Variants in NTM observed in about 807,000 individuals in gnomAD.
NTM encodes the protein IgLON family member 2.
In NTM, 13 loss-of-function variants were observed where a neutral mutation model predicts 42.1. The ratio of observed to expected loss-of-function variants is 0.31; its 90% CI spans 0.20 to 0.49. The LOEUF (loss-of-function observed/expected upper bound fraction) is 0.49. Among genes scored for constraint, NTM ranks in the 20% least tolerant of loss-of-function variants. The probability of loss-of-function intolerance (pLI) is 0.99; values close to 1 mark genes in which losing one functional copy is unlikely to be tolerated. For synonymous variants in NTM, 187 were observed against 179.2 expected, an observed-to-expected ratio of 1.04 and a Z score of -0.35; for missense variants, 373 against 452.8, an observed-to-expected ratio of 0.82 and a Z score of 1.60.
intron 1 of NTM, among the ~76,000 whole-genome samples, chr11:131,778,912 A>G (rs964360733): frequency 3.3e-5 from 5 of 152,264 alleles, no homozygotes; most frequent in Non-Finnish European, 5.9e-5. Context: ...AGGTTATGCC[A>G]CATGGCAAAT....
chr11:131,608,127 A>G (rs1159864709), intron 1 of NTM, among the ~76,000 whole-genome samples: 1 of 152,004 alleles, frequency 6.6e-6, no homozygotes, highest in Non-Finnish European at 1.5e-5. Flanking sequence ...ATTCCCACCT[A>G]TGAGTGAGAA....
At chr11:132,104,333 C>T (rs2061998439) in intron 2 of NTM, among the ~76,000 whole-genome samples, 1 of 151,842 alleles carries the variant, frequency 6.6e-6, no homozygotes, top group Admixed American at 6.6e-5. Flanking sequence ...TTCCTTCCTC[C>T]CCTTCCTCCC....
Position 131,626,138 on chromosome 11 carries a change from G to GC in NTM, c.82+255250_82+255251insC, listed in dbSNP as rs2063083341. On this transcript the variant is annotated intron_variant, in intron 1 of 8. Transcript: ENST00000683400. ...TTTTAAGAATCCAAGTAACTTTATA[G>GC]ATGTTGAAATTATTACATAAAGAGT... Among the ~76,000 whole-genome samples, 3 of 151,956 alleles carry GC rather than the reference G, an allele frequency of 2.0e-5. No individual in the cohort carries two copies. The South Asian group carries it at 6.3e-4, about 32-fold the overall frequency.
chr11:131,664,563 GTC>G (rs2068658312), intron 1 of NTM, among the ~76,000 whole-genome samples: 1 of 152,092 alleles, frequency 6.6e-6, no homozygotes, highest in Admixed American at 6.5e-5. Flanking sequence ...CTCTCCAGCT[GTC>G]TATCCCCAGT....
At chr11:131,930,706 T>A (rs2058497726) in intron 2 of NTM, among the ~76,000 whole-genome samples, 1 of 152,230 alleles carries the variant, frequency 6.6e-6, no homozygotes, top group Admixed American at 6.5e-5. Flanking sequence ...CTCCTTTCCT[T>A]TAGACTTTTA....
chr11:131,985,032 T>C (rs1477767281), intron 2 of NTM, among the ~76,000 whole-genome samples: 1 of 152,096 alleles, frequency 6.6e-6, no homozygotes, highest in African/African-American at 2.4e-5. Context: ...CCAGACTGAG[T>C]TGGTGTTCTC....
intron 1 of NTM, among the ~76,000 whole-genome samples, chr11:131,585,647 G>A (rs1261874370): frequency 6.6e-6 from 1 of 152,176 alleles, no homozygotes; most frequent in Non-Finnish European, 1.5e-5. Context: ...AGGCCATGGA[G>A]TTTACATCCT....
intron 1 of NTM, among the ~76,000 whole-genome samples, chr11:131,555,859 A>G (rs1301426520): frequency 1.3e-5 from 2 of 152,052 alleles, no homozygotes; most frequent in South Asian, 2.1e-4. Flanking sequence ...CTGAGTAGAG[A>G]CATCCTAAAT....
At chr11:132,150,336 T>A (rs1291265583) in intron 3 of NTM, among the ~76,000 whole-genome samples, 1 of 152,168 alleles carries the variant, frequency 6.6e-6, no homozygotes, top group Admixed American at 6.5e-5. Context: ...TGGAATCAAC[T>A]TTCCACATAA....
intron 1 of NTM, among the ~76,000 whole-genome samples, chr11:131,505,545 C>A (rs56099061): frequency 0.12 from 18,343 of 152,160 alleles, 1,675 homozygotes; most frequent in African/African-American, 0.25. Context: ...CAGGTGAGGA[C>A]ACTGAGACCT....
intron 1 of NTM, among the ~76,000 whole-genome samples, chr11:131,824,842 C>T (rs2041939444): frequency 6.6e-6 from 1 of 152,046 alleles, no homozygotes; most frequent in African/African-American, 2.4e-5. Context: ...AAAGAAATGG[C>T]TTGTGCAAAG....
chr11:131,720,037 CG>C (rs1187930607), intron 1 of NTM, among the ~76,000 whole-genome samples: 4 of 152,060 alleles, frequency 2.6e-5, no homozygotes, highest in Non-Finnish European at 2.9e-5. Flanking sequence ...CTACAGGTTC[CG>C]GGGTTGCTTC....
intron 1 of NTM, among the ~76,000 whole-genome samples, chr11:131,626,373 T>C (rs187925463): frequency 1.3e-5 from 2 of 152,328 alleles, no homozygotes; most frequent in Admixed American, 1.3e-4. Flanking sequence ...TTATTATAAA[T>C]GCTAATGCTT....
intron 7 of NTM, among the ~76,000 whole-genome samples, chr11:132,317,196 G>A (rs576255141): frequency 2.0e-4 from 30 of 152,238 alleles, no homozygotes; most frequent in South Asian, 1.2e-3. Context: ...TTCTGCTCCC[G>A]CACTCCTGAA....
At chr11:132,307,862 A>G in intron 5 of NTM, 39 bp downstream of exon 5, 1 of 1,601,326 alleles carries the variant, frequency 6.2e-7, no homozygotes, top group Non-Finnish European at 8.5e-7. Flanking sequence ...CACGTGCATC[A>G]GGCTGGCCTG....
At chr11:131,773,632 A>G (rs1036835512) in intron 1 of NTM, among the ~76,000 whole-genome samples, 2 of 152,234 alleles carry the variant, frequency 1.3e-5, no homozygotes, top group African/African-American at 4.8e-5. Context: ...CACAGCAAAA[A>G]GTTGAATGGA....
intron 2 of NTM, among the ~76,000 whole-genome samples, chr11:131,969,858 C>T (rs909624450): frequency 5.3e-5 from 8 of 152,080 alleles, no homozygotes; most frequent in African/African-American, 1.4e-4. Flanking sequence ...GCTCTGTCAC[C>T]GAGGCTGGAG....
At chr11:132,203,329 T>G (rs2081427476) in intron 3 of NTM, among the ~76,000 whole-genome samples, 2 of 152,206 alleles carry the variant, frequency 1.3e-5, no homozygotes, top group Non-Finnish European at 1.5e-5. Flanking sequence ...ATGCTTTATG[T>G]ATAAAAAGTG....
chr11:131,882,384 G>T (rs2049677605), intron 1 of NTM, among the ~76,000 whole-genome samples: 1 of 152,176 alleles, frequency 6.6e-6, no homozygotes, highest in Non-Finnish European at 1.5e-5. Context: ...ACCTTCAACT[G>T]ATTGGATGAG....
Sources: allele counts gnomAD v4.1 joint callset (sites outside exome capture counted in the v4.1 genomes callset), GRCh38; gene constraint gnomAD v4.1.1; transcripts MANE v1.5; gene names NCBI Gene and HGNC (gene_info 2026-07-23, HGNC 2026-07-21).